The following AUTS2 variants were observed in gnomAD, a reference collection of about 807,000 sequenced individuals.
AUTS2 encodes activator of transcription and developmental regulator AUTS2, also known as autism susceptibility gene 2 protein.
In AUTS2, 17 loss-of-function variants were observed where a neutral mutation model predicts 112.4. The ratio of observed to expected loss-of-function variants is 0.15; its 90% CI spans 0.10 to 0.23. The LOEUF (loss-of-function observed/expected upper bound fraction) is 0.23. Ranked by LOEUF, AUTS2 falls within the 10% of genes least tolerant of loss-of-function variation. AUTS2 has a pLI of 1.00. For synonymous variants in AUTS2, 751 were observed against 702.7 expected (o/e 1.07, Z -1.09); for missense variants, 1,510 against 1,701.6 (o/e 0.89, Z 1.98).
chr7:70,640,460 T>C (rs1026455239), intron 5 of AUTS2, among the ~76,000 whole-genome samples: 12 of 142,142 alleles, frequency 8.4e-5, no homozygotes, highest in Middle Eastern at 3.7e-3. Context: ...AAATCCTGCA[T>C]GAGGTCAGGG....
chr7:70,613,467 G>T (rs1804200767), intron 5 of AUTS2, among the ~76,000 whole-genome samples: 1 of 152,112 alleles, frequency 6.6e-6, no homozygotes, highest in African/African-American at 2.4e-5. Context: ...GGTGTGTTTT[G>T]TTAGGGATTG....
intron 4 of AUTS2, among the ~76,000 whole-genome samples, chr7:70,231,152 GT>G (rs1584907915): frequency 6.6e-6 from 1 of 152,050 alleles, no homozygotes; most frequent in East Asian, 1.9e-4. Context: ...GTTTATTTTT[GT>G]GGCAAGGATT....
chr7:70,416,427 C>T (rs956509063), intron 4 of AUTS2, among the ~76,000 whole-genome samples: 3 of 152,228 alleles, frequency 2.0e-5, no homozygotes, highest in Non-Finnish European at 4.4e-5. Flanking sequence ...TTGGTGAGAA[C>T]AGGCAGCTTG....
At chr7:69,748,608 A>G (rs1014435613) in intron 1 of AUTS2, among the ~76,000 whole-genome samples, 5 of 152,222 alleles carry the variant, frequency 3.3e-5, no homozygotes, top group Non-Finnish European at 5.9e-5. Context: ...AGATGTACAG[A>G]CAATTATAAG....
intron 4 of AUTS2, among the ~76,000 whole-genome samples, chr7:70,353,188 A>G (rs1270396687): frequency 6.6e-6 from 1 of 152,212 alleles, no homozygotes; most frequent in Non-Finnish European, 1.5e-5. Context: ...TTCAGAACAT[A>G]AATTGTCCAT....
At chr7:69,824,304 G>A (rs1190382378) in intron 1 of AUTS2, among the ~76,000 whole-genome samples, 1 of 151,918 alleles carries the variant, frequency 6.6e-6, no homozygotes, top group African/African-American at 2.4e-5. Flanking sequence ...AGCTACTCAG[G>A]AGGCTGAGGC....
At chr7:69,786,321 TGCACCAGTCAGCACTCTGTAAAAAC>T (rs1168998958) in intron 1 of AUTS2, among the ~76,000 whole-genome samples, 1 of 152,174 alleles carries the variant, frequency 6.6e-6, no homozygotes, top group Non-Finnish European at 1.5e-5. Context: ...GGATTGTAAA[TGCACCAGTCAGCACTCTGTAAAAAC>T]GCACCAGTCA....
chr7:70,354,039 A>G (rs1327269307), intron 4 of AUTS2, among the ~76,000 whole-genome samples: 1 of 152,238 alleles, frequency 6.6e-6, no homozygotes, highest in Non-Finnish European at 1.5e-5. Context: ...CTCTTTACCT[A>G]AAGCCACTGT....
At chr7:69,733,932 A>G (rs1786914475) in intron 1 of AUTS2, among the ~76,000 whole-genome samples, 1 of 152,136 alleles carries the variant, frequency 6.6e-6, no homozygotes, top group African/African-American at 2.4e-5. Flanking sequence ...GTAGTTCTCC[A>G]CGGGAAGGCT....
chr7:70,104,264 T>C (rs1804653896), intron 2 of AUTS2, among the ~76,000 whole-genome samples: 1 of 152,136 alleles, frequency 6.6e-6, no homozygotes, highest in Admixed American at 6.6e-5. Flanking sequence ...TCTTTTTTTT[T>C]TGGGAAAAAT....
In AUTS2 at chr7:70,787,361, G is replaced by A. The variant is rs750630131; in HGVS notation, c.2461G>A (p.Ala821Thr). The A allele has an allele frequency of 1.7e-5, 27 of 1,613,866 alleles. No homozygotes were observed. The highest frequency in any genetic ancestry group is 6.7e-5 in the East Asian group (3 of 44,878). The part of the protein sequence containing the change: ...KPGELERSAS[A>T]AAHDRDRDVD... ...AGGGGAGCTGGAGCGCAGCGCGTCC[G>A]CTGCAGCTCATGACAGAGATAGAGA... The change falls in exon 18 of 19, where the codon GCT becomes ACT. Residue 821 changes from alanine to threonine, a missense_variant. Ala to Thr is a moderately conservative substitution (Grantham distance 58). Around this residue, in one of 3 missense-constraint regions of AUTS2, gnomAD observed 788 missense variants for 797.6 expected, o/e 0.99. Coordinates refer to ENST00000342771, the MANE Select transcript of AUTS2 (RefSeq NM_015570.4).
intron 4 of AUTS2, among the ~76,000 whole-genome samples, chr7:70,301,547 G>T (rs558720057): frequency 6.6e-6 from 1 of 152,228 alleles, no homozygotes; most frequent in East Asian, 1.9e-4. Flanking sequence ...TGCAACATTT[G>T]TGAGGTTCTA....
intron 1 of AUTS2, among the ~76,000 whole-genome samples, chr7:69,785,358 A>G (rs1196213175): frequency 1.3e-5 from 2 of 152,206 alleles, no homozygotes; most frequent in Non-Finnish European, 2.9e-5. Context: ...CTTATGTTGT[A>G]AGGGTCTGCT....
intron 4 of AUTS2, among the ~76,000 whole-genome samples, chr7:70,205,666 G>A (rs1244124862): frequency 6.6e-6 from 1 of 152,124 alleles, no homozygotes; most frequent in African/African-American, 2.4e-5. Flanking sequence ...GTTTTTGTAA[G>A]TATACTCTAT....
chr7:69,716,525 A>G (rs542666770), intron 1 of AUTS2, among the ~76,000 whole-genome samples: 1 of 152,308 alleles, frequency 6.6e-6, no homozygotes, highest in African/African-American at 2.4e-5. Context: ...TTCTGACACT[A>G]GATGTGTGGT....
At chr7:70,540,220 G>A (rs865976454) in intron 5 of AUTS2, among the ~76,000 whole-genome samples, 1 of 152,124 alleles carries the variant, frequency 6.6e-6, no homozygotes, top group Non-Finnish European at 1.5e-5. Flanking sequence ...TGGTGGAGGT[G>A]GTGGTCATTC....
At chr7:69,626,826 G>A (rs545852615) in intron 1 of AUTS2, among the ~76,000 whole-genome samples, 8 of 152,172 alleles carry the variant, frequency 5.3e-5, no homozygotes, top group Non-Finnish European at 1.0e-4. Flanking sequence ...AAATTTCCAC[G>A]AGACTGAAGT....
rs1802186014 is a variant in AUTS2 at position 70,060,341 on chromosome 7, A to G, written c.523-57791A>G. ...GTGCTTCTCAGAATGGGGAGATTTT[A>G]AAATAGAGGAGAAAGCTGTCAAAGC... is the stretch of plus-strand genomic sequence containing the variant. On this transcript the variant is annotated intron_variant, in intron 2 of 18. Coordinates refer to ENST00000342771, the MANE Select transcript of AUTS2 (RefSeq NM_015570.4). Among the ~76,000 whole-genome samples, 2 of 152,232 alleles carry G rather than the reference A, an allele frequency of 1.3e-5. 1 individual carries two copies. The highest frequency in any genetic ancestry group is 4.1e-4 in the South Asian group (2 of 4,836).
chr7:69,921,405 G>C (rs964520974), intron 2 of AUTS2, among the ~76,000 whole-genome samples: 1 of 149,416 alleles, frequency 6.7e-6, no homozygotes, highest in Non-Finnish European at 1.5e-5. Context: ...AAAACATCAC[G>C]GTGGGAAATA....
Sources: allele counts gnomAD v4.1 joint callset (sites outside exome capture counted in the v4.1 genomes callset), GRCh38; gene constraint gnomAD v4.1.1; regional missense constraint gnomAD v4.1.1; transcripts MANE v1.5; gene names NCBI Gene and HGNC (gene_info 2026-07-23, HGNC 2026-07-21).